The following PFKL variants were observed in gnomAD, a reference collection of about 807,000 sequenced individuals.
PFKL encodes the protein ATP-dependent 6-phosphofructokinase, liver type.
A neutral mutation model predicts 92.1 loss-of-function variants in PFKL; 74 were observed. That is an observed-to-expected ratio of 0.80 (90% CI 0.67 to 0.97). The LOEUF (loss-of-function observed/expected upper bound fraction) is 0.97. Among genes scored for constraint, PFKL ranks in the 50% least tolerant of loss-of-function variants. The pLI is 0.00. For missense variants in PFKL, 1,028 were observed against 1,116.6 expected, an observed-to-expected ratio of 0.92 and a Z score of 1.13; for synonymous variants, 494 against 456.4, an observed-to-expected ratio of 1.08 and a Z score of -1.05.
At chr21:44,309,541 AC>A (rs1164779100) in intron 2 of PFKL, among the ~76,000 whole-genome samples, 1 of 152,202 alleles carries the variant, frequency 6.6e-6, no homozygotes, top group Non-Finnish European at 1.5e-5. Context: ...GAACTGAGCC[AC>A]TGGCCTTGTG....
intron 7 of PFKL, 31 bp from the exon 8 acceptor site, chr21:44,316,213 G>C: frequency 6.2e-7 from 1 of 1,605,514 alleles, no homozygotes; most frequent in South Asian, 1.1e-5. Context: ...TCCCTGCCTG[G>C]CAGCTGAGCC....
At chr21:44,311,169 CAG>C (rs1246180165) in intron 3 of PFKL, 86 bp downstream of exon 3, 21 of 979,992 alleles carry the variant, frequency 2.1e-5, no homozygotes, top group Middle Eastern at 2.6e-4. Context: ...GACACACACA[CAG>C]AGACAGACAC....
intron 7 of PFKL, chr21:44,314,274 G>A: frequency 1.9e-6 from 1 of 530,406 alleles, no homozygotes; most frequent in South Asian, 2.3e-5. Context: ...CCCAGGCTCA[G>A]CCCCGTGGTC....
At chr21:44,307,743 G>A (rs2040995262) in intron 2 of PFKL, among the ~76,000 whole-genome samples, 1 of 119,914 alleles carries the variant, frequency 8.3e-6, no homozygotes, top group South Asian at 2.5e-4. Flanking sequence ...TGCCAGTATT[G>A]GATTAGGAAG....
intron 8 of PFKL, 30 bp downstream of exon 8, chr21:44,316,369 G>A (rs1242644124): frequency 6.2e-7 from 1 of 1,610,086 alleles, no homozygotes; most frequent in Non-Finnish European, 8.5e-7. Flanking sequence ...TGGCCACTGG[G>A]CACCTGCTCC....
rs2047092963 is a variant in PFKL at position 44,313,010 on chromosome 21, T to A, written c.460T>A (p.Ser154Thr). ...CTCAGAGACTACAGCCCGGACCTACTCGCACCTGAACATCGCGGGCCTAGT... is the reference window on the plus strand; with the variant it reads ...CTCAGAGACTACAGCCCGGACCTACACGCACCTGAACATCGCGGGCCTAGT... ...KISETTARTYSHLNIAGLVGS... is the reference protein window; with the variant it reads ...KISETTARTYTHLNIAGLVGS... The change falls in exon 5 of 22, where the codon TCG becomes ACG. Residue 154 changes from serine to threonine, a missense_variant. By Grantham distance (58) the Ser-to-Thr change is moderately conservative. Coordinates refer to ENST00000349048, the MANE Select transcript of PFKL (RefSeq NM_002626.6). 6.2e-7 allele frequency: 1 copy of A among 1,612,890 alleles called. No homozygotes were observed. Among genetic ancestry groups the A allele is most frequent in the Admixed American group, 1.7e-5 (1 of 59,992 alleles).
At chr21:44,319,660 G>T (rs568077230) in intron 11 of PFKL, 113 of 576,482 alleles carry the variant, frequency 2.0e-4, no homozygotes, top group Non-Finnish European at 3.1e-4. Flanking sequence ...ATGGCGAGGG[G>T]ATGAGAAGCT....
intron 5 of PFKL, 37 bp downstream of exon 5, chr21:44,313,180 C>T (rs772721434): frequency 5.0e-6 from 8 of 1,607,942 alleles, no homozygotes; most frequent in Non-Finnish European, 5.9e-6. Context: ...GCCCAGGGCC[C>T]CTCCTCCCCG....
At chr21:44,320,449 C>T (rs1016484070) in intron 12 of PFKL, 6 of 256,578 alleles carry the variant, frequency 2.3e-5, no homozygotes, top group African/African-American at 4.5e-5. Flanking sequence ...AAATGTCCCC[C>T]GGGGCCAGGC....
intron 2 of PFKL, among the ~76,000 whole-genome samples, chr21:44,310,638 A>G (rs1457361895): frequency 6.6e-6 from 1 of 152,210 alleles, no homozygotes; most frequent in African/African-American, 2.4e-5. Context: ...TAGGATGTTC[A>G]GAACAGGCAG....
Position 44,312,978 on chromosome 21 carries a change from G to A in PFKL, c.428G>A (p.Gly143Asp), listed in dbSNP as rs2047090955. The A allele has an allele frequency of 1.2e-6, 2 of 1,612,694 alleles. No individual in the cohort carries two copies. Among genetic ancestry groups the A allele is most frequent in the East Asian group, 2.2e-5 (1 of 44,872 alleles). ...GSLLEELVAEGKISETTARTY... is the reference protein window; with the variant it reads ...GSLLEELVAEDKISETTARTY... ...GGTCCTCCTGCTGCTCCTGGCCCAG[G>A]TAAGATCTCAGAGACTACAGCCCGG... The change falls in exon 5 of 22, where the codon GGT becomes GAT. Residue 143 changes from glycine to aspartate, a missense_variant and splice_region_variant. Transcript: ENST00000349048.
At position 44,319,498 on chromosome 21, in the gene PFKL, C is replaced by G. The variant is rs758827782; in HGVS notation, c.1127+83C>G. Reference sequence around the variant, plus strand: ...GCATGTGCTGCAGTGGCGCTATGCACGCCTGGCCTGGGTCATCCTTCTAGG... The same window carrying G: ...GCATGTGCTGCAGTGGCGCTATGCAGGCCTGGCCTGGGTCATCCTTCTAGG... On this transcript the variant is annotated intron_variant, in intron 11 of 21. Transcript: ENST00000349048. 6 of 1,185,464 alleles carry G rather than the reference C, an allele frequency of 5.1e-6. No homozygotes were observed. The East Asian group carries it at 1.4e-4, about 28-fold the overall frequency. 73.4% of individuals were successfully genotyped at this position (1,185,464 alleles called of 1,614,324 possible).
chr21:44,319,651 T>G, intron 11 of PFKL: 1 of 575,834 alleles, frequency 1.7e-6, no homozygotes, highest in Non-Finnish European at 3.1e-6. Flanking sequence ...GATCTGGGCA[T>G]GGCGAGGGGA....
Position 44,321,651 on chromosome 21 carries a change from C to T in PFKL, c.1192-78C>T, listed in dbSNP as rs547494048. 43 of 1,415,880 alleles carry T rather than the reference C, an allele frequency of 3.0e-5. No individual in the cohort carries two copies. In the South Asian group the frequency reaches 5.5e-4, roughly 18 times the overall value. 87.7% of individuals were successfully genotyped at this position (1,415,880 alleles called of 1,614,324 possible). On this transcript the variant is annotated intron_variant, in intron 12 of 21. Transcript: ENST00000349048. ...CCTGGCCCCTTTTTCCAGAACCTGC[C>T]GGCCTGCTGACCTCCTGTGCAGGTT...
In PFKL at chr21:44,320,128, A is replaced by T; in HGVS notation, c.1172A>T (p.Gln391Leu). The change falls in exon 12 of 22, where the codon CAG (glutamine) becomes CTG (leucine). Residue 391 changes from glutamine to leucine, a missense_variant. Transcript: ENST00000349048. ...NWNIYKLLAHQKPPKEKSNFS... is the reference protein window; with the variant it reads ...NWNIYKLLAHLKPPKEKSNFS... ...AACATTTACAAGCTCCTCGCCCACC[A>T]GAAGCCCCCCAAGGAGAAGGTGAGG... The T allele has an allele frequency of 6.2e-7, 1 of 1,613,468 alleles. No individual in the cohort carries two copies. Among genetic ancestry groups the T allele is most frequent in the Non-Finnish European group, 8.5e-7 (1 of 1,179,814 alleles).
chr21:44,309,190 T>G (rs933417811), intron 2 of PFKL, among the ~76,000 whole-genome samples: 1 of 152,082 alleles, frequency 6.6e-6, no homozygotes, highest in Non-Finnish European at 1.5e-5. Flanking sequence ...CTGGCTTCCT[T>G]CAGCAGGGAG....
At chr21:44,320,352 G>A (rs2047326309) in intron 12 of PFKL, 1 of 507,838 alleles carries the variant, frequency 2.0e-6, no homozygotes, top group Non-Finnish European at 3.6e-6. Context: ...GACCCTGGCT[G>A]CAGGGCTGGC....
Position 44,305,362 on chromosome 21 carries a change from G to A in PFKL, c.86-1319G>A, listed in dbSNP as rs149717397. ...CAGGGTAGAGGTCGAGAGTCCTCTC[G>A]TGGGGGTCTCCATGTTCAAGGGAGC... is the stretch of plus-strand genomic sequence containing the variant. On this transcript the variant is annotated intron_variant, in intron 1 of 21. Coordinates refer to ENST00000349048, the MANE Select transcript of PFKL (RefSeq NM_002626.6). 1.4e-4 allele frequency: 190 copies of A among 1,365,932 alleles called. 2 individuals are homozygous for A. The highest frequency in any genetic ancestry group is 3.6e-4 in the East Asian group (8 of 21,952). The allele number at this position is 1,365,932 out of a possible 1,614,324, so 84.6% of individuals were successfully genotyped here.
intron 7 of PFKL, chr21:44,315,960 T>C: frequency 4.5e-5 from 21 of 468,882 alleles, no homozygotes; most frequent in South Asian, 4.2e-4. Flanking sequence ...GTGTGTGTGC[T>C]GGGCCCAGCC....
Sources: allele counts gnomAD v4.1 joint callset (sites outside exome capture counted in the v4.1 genomes callset), GRCh38; gene constraint gnomAD v4.1.1; transcripts MANE v1.5; gene names NCBI Gene and HGNC (gene_info 2026-07-23, HGNC 2026-07-21).